BTD: variants seen among roughly 807,000 people sequenced by gnomAD.
BTD encodes the protein biotinidase, also known as biocytinase.
BTD carries 13 observed loss-of-function variants against 17.7 expected under a neutral mutation model. That is an observed-to-expected ratio of 0.74 (90% confidence interval 0.48 to 1.17). The LOEUF is 1.17. Ranked by LOEUF, BTD falls within the 50% of genes most tolerant of loss-of-function variation. The probability of loss-of-function intolerance (pLI) is 0.00; values close to 1 mark genes in which losing one functional copy is unlikely to be tolerated. For synonymous variants in BTD, 240 were observed against 245.2 expected, an observed-to-expected ratio of 0.98 and a Z score of 0.20; for missense variants, 674 against 650.4, an observed-to-expected ratio of 1.04 and a Z score of -0.39.
chr3:15,706,700 C>T (rs1342621242), intron 3 of BTD, among the ~76,000 whole-genome samples: 2 of 152,100 alleles, frequency 1.3e-5, no homozygotes, highest in African/African-American at 2.4e-5. Context: ...GTTTATAGTC[C>T]CACCAACAGT....
chr3:15,625,682 A>G (rs752680835), intron 1 of BTD, among the ~76,000 whole-genome samples: 54 of 152,106 alleles, frequency 3.6e-4, no homozygotes, highest in Non-Finnish European at 5.9e-4. Flanking sequence ...CGGCCTCCCA[A>G]GTAGCTGGGA....
intron 3 of BTD, among the ~76,000 whole-genome samples, chr3:15,681,527 T>C (rs961310719): frequency 6.6e-6 from 1 of 152,256 alleles, no homozygotes; most frequent in Non-Finnish European, 1.5e-5. Flanking sequence ...ATTTGGGATC[T>C]ACTTTAGGAA....
At chr3:15,690,543 G>A (rs1362967942) in intron 3 of BTD, among the ~76,000 whole-genome samples, 2 of 152,132 alleles carry the variant, frequency 1.3e-5, no homozygotes, top group African/African-American at 4.8e-5. Flanking sequence ...TTGATTTCAA[G>A]TCTGATTCTA....
chr3:15,687,019 C>T (rs1198235541), intron 3 of BTD, among the ~76,000 whole-genome samples: 1 of 151,578 alleles, frequency 6.6e-6, no homozygotes, highest in Non-Finnish European at 1.5e-5. Context: ...TCTTGGCTCA[C>T]TGCAACTTCC....
Position 15,661,834 on chromosome 3 carries a change from T to C in BTD, c.399+19777T>C, listed in dbSNP as rs1380549875. 1.4e-4 allele frequency among the ~76,000 whole-genome samples: 22 copies of C among 152,226 alleles called. 1 individual carries two copies. ...TGTAAGATCTGTGTCTAGATTCACT[T>C]TTTGCATGTAGTTGTCTTAATTATT... On this transcript the variant is annotated intron_variant, in intron 3 of 3. Transcript: ENST00000672141.
intron 1 of BTD, among the ~76,000 whole-genome samples, chr3:15,611,339 T>C (rs554059963): frequency 6.6e-6 from 1 of 152,300 alleles, no homozygotes; most frequent in African/African-American, 2.4e-5. Context: ...AAATGGAAGC[T>C]ACATGCCAAG....
In BTD at chr3:15,644,573, G is replaced by A. The variant is rs1278009849; in HGVS notation, c.657G>A (p.Arg219=). ...LITFDTPFAG[R]FGIFTCFDIL... ...CCTTTGATACCCCCTTTGCTGGCAG[G>A]TTTGGCATCTTCACATGCTTTGATA... is the stretch of plus-strand genomic sequence containing the variant. Residue 219 remains arginine (R), a synonymous_variant, in exon 4 of 4, where the codon AGG becomes AGA. Transcript: ENST00000643237. The A allele has an allele frequency of 6.2e-7, 1 of 1,613,980 alleles. No individual in the cohort carries two copies. The highest frequency in any genetic ancestry group is 1.3e-5 in the African/African-American group (1 of 74,892).
Position 15,635,550 on chromosome 3 carries a change from T to G in BTD, c.111T>G (p.Tyr37Ter), listed in dbSNP as rs397514339. 1 of 1,614,172 alleles carries G rather than the reference T, an allele frequency of 6.2e-7. No homozygotes were observed. Among genetic ancestry groups the G allele is most frequent in the Non-Finnish European group, 8.5e-7 (1 of 1,180,034 alleles). ...ESVADHHEAE[Y>*]YVAAVYEHPS... is the part of the protein sequence containing the mutation. The stretch of plus-strand genomic sequence containing the variant: ...TGGCTGACCATCACGAGGCTGAATA[T>G]TATGTGGCTGCCGTGTATGAGCATC... Residue 37 changes from tyrosine (Y) to a stop codon, truncating the protein, a stop_gained, in exon 2 of 4, where the codon TAT becomes TAG. Transcript: ENST00000643237. LOFTEE classifies it high-confidence loss of function. The surrounding 1 kb of genome is among the most constrained non-coding windows in gnomAD (Gnocchi z 4.1).
At chr3:15,626,007 T>C (rs2065058359) in intron 1 of BTD, among the ~76,000 whole-genome samples, 1 of 152,254 alleles carries the variant, frequency 6.6e-6, no homozygotes, top group Admixed American at 6.5e-5. Flanking sequence ...AATTTGTCAA[T>C]CTGTTTCTTC....
At chr3:15,720,860 T>C in intron 4 of BTD, 2 of 1,485,892 alleles carry the variant, frequency 1.3e-6, no homozygotes. Context: ...TCACCATTGA[T>C]GTTGTTTTAA....
chr3:15,698,576 A>C (rs2125919273), intron 3 of BTD, among the ~76,000 whole-genome samples: 1 of 152,306 alleles, frequency 6.6e-6, no homozygotes, highest in African/African-American at 2.4e-5. Context: ...GAAAATCACA[A>C]AGATTCCCAT....
chr3:15,680,742 T>C (rs926558223), intron 3 of BTD, among the ~76,000 whole-genome samples: 36 of 152,182 alleles, frequency 2.4e-4, no homozygotes, highest in Admixed American at 1.6e-3. Context: ...CATGACTCTC[T>C]GCAGTCTCAA....
At chr3:15,683,191 A>G (rs2067723179) in intron 3 of BTD, among the ~76,000 whole-genome samples, 1 of 152,096 alleles carries the variant, frequency 6.6e-6, no homozygotes, top group Non-Finnish European at 1.5e-5. Flanking sequence ...CTTCAGGGAT[A>G]TATTTTTTTA....
intron 1 of BTD, among the ~76,000 whole-genome samples, chr3:15,634,208 A>G (rs574424166): frequency 6.6e-6 from 1 of 152,306 alleles, no homozygotes; most frequent in South Asian, 2.1e-4. Flanking sequence ...TAGCCTGGGG[A>G]GTTTGGTTTT....
At chr3:15,710,361 T>A (rs1254803724) in exon 4 of BTD, among the ~76,000 whole-genome samples, 1 of 152,342 alleles carries the variant, frequency 6.6e-6, no homozygotes, top group African/African-American at 2.4e-5. Context: ...AACTGTCAAG[T>A]GATCAGACAC....
At chr3:15,720,278 T>C (rs1553606261) in intron 4 of BTD, among the ~76,000 whole-genome samples, 1 of 152,128 alleles carries the variant, frequency 6.6e-6, no homozygotes, top group Non-Finnish European at 1.5e-5. Context: ...TTTTTTTCCC[T>C]AACACTGTAA....
intron 1 of BTD, among the ~76,000 whole-genome samples, chr3:15,602,912 G>A (rs535549038): frequency 6.6e-6 from 1 of 152,248 alleles, no homozygotes; most frequent in South Asian, 2.1e-4. Context: ...AGGTTTAATG[G>A]TCTCACAGTT....
chr3:15,711,496 G>A (rs2072269637), exon 4 of BTD, among the ~76,000 whole-genome samples: 1 of 152,222 alleles, frequency 6.6e-6, no homozygotes, highest in Admixed American at 6.5e-5. Context: ...TAACCCTTGA[G>A]AACATTATAT....
At chr3:15,694,894 C>T in intron 3 of BTD, 1 of 1,319,388 alleles carries the variant, frequency 7.6e-7, no homozygotes, top group African/African-American at 1.5e-5. Flanking sequence ...TTCAAATCCA[C>T]CTTAGAGTAT....
Sources: allele counts gnomAD v4.1 joint callset (sites outside exome capture counted in the v4.1 genomes callset), GRCh38; gene constraint gnomAD v4.1.1; non-coding constraint Gnocchi (gnomAD v3.1); transcripts MANE v1.5; gene names NCBI Gene and HGNC (gene_info 2026-07-23, HGNC 2026-07-21).